The following ATP2C1 variants were observed in gnomAD, a reference collection of about 807,000 sequenced individuals.
The protein encoded by ATP2C1 is ATPase secretory pathway Ca2+ transporting 1, also known as calcium-transporting ATPase type 2C member 1.
In ATP2C1, 31 loss-of-function variants were observed where a neutral mutation model predicts 120.5. The observed-to-expected ratio is 0.26, with a 90% CI of 0.19 to 0.35. The LOEUF (loss-of-function observed/expected upper bound fraction) is 0.35. Ranked by LOEUF, ATP2C1 falls within the 10% of genes least tolerant of loss-of-function variation. ATP2C1 has a pLI of 1.00. For synonymous variants in ATP2C1, 351 were observed against 358.7 expected (o/e 0.98, Z 0.24); for missense variants, 731 against 1,107.5 (o/e 0.66, Z 4.83).
chr3:130,938,947 T>G (rs1307589129), intron 6 of ATP2C1, among the ~76,000 whole-genome samples: 2 of 152,242 alleles, frequency 1.3e-5, no homozygotes, highest in African/African-American at 4.8e-5. Flanking sequence ...TTACACAAGA[T>G]AGTGTTGTTA....
At chr3:130,896,937 A>G (rs1196743114) in intron 2 of ATP2C1, among the ~76,000 whole-genome samples, 1 of 152,212 alleles carries the variant, frequency 6.6e-6, no homozygotes, top group Non-Finnish European at 1.5e-5. Flanking sequence ...TGTGCATATT[A>G]AAGTTTTCTG....
At chr3:130,926,507 G>A (rs549273125) in intron 2 of ATP2C1, among the ~76,000 whole-genome samples, 7 of 152,222 alleles carry the variant, frequency 4.6e-5, no homozygotes, top group Non-Finnish European at 8.8e-5. Context: ...TAACCAGATC[G>A]TTTTAACTGC....
intron 2 of ATP2C1, among the ~76,000 whole-genome samples, chr3:130,915,716 C>T (rs757813441): frequency 5.3e-5 from 8 of 152,202 alleles, no homozygotes; most frequent in Admixed American, 3.9e-4. Context: ...AGGAATGAGG[C>T]CTAAAAGCTT....
chr3:130,965,211 T>G (rs755847595), intron 14 of ATP2C1, among the ~76,000 whole-genome samples, 166 bp downstream of exon 14: 14 of 152,092 alleles, frequency 9.2e-5, no homozygotes, highest in Non-Finnish European at 1.6e-4. Flanking sequence ...TCATTCCACT[T>G]GTACACTTGT....
chr3:130,920,439 C>T (rs936065189), intron 2 of ATP2C1, among the ~76,000 whole-genome samples: 3 of 152,150 alleles, frequency 2.0e-5, no homozygotes, highest in Non-Finnish European at 2.9e-5. Flanking sequence ...TTCCTTTCCT[C>T]ATTGTATATT....
Position 130,993,935 on chromosome 3 carries a change from C to T in ATP2C1, c.1894C>T (p.Leu632=). 6.2e-7 allele frequency: 1 copy of T among 1,614,122 alleles called. No homozygotes were observed. The highest frequency in any genetic ancestry group is 1.1e-5 in the South Asian group (1 of 91,080). The change falls in exon 22 of 28, where the codon CTA becomes TTA. Residue 632 remains leucine (L), a synonymous_variant. Transcript: ENST00000510168. ...PRHKMKIIKS[L]QKNGSVVAMT... ...CCTGTCCTCTGCTCCACTCTAGTCGCTACAGAAGAACGGTTCAGTTGTAGC... is the reference window on the plus strand; with the variant it reads ...CCTGTCCTCTGCTCCACTCTAGTCGTTACAGAAGAACGGTTCAGTTGTAGC...
chr3:130,918,420 T>C (rs1251679877), intron 2 of ATP2C1: 2 of 1,042,242 alleles, frequency 1.9e-6, no homozygotes, highest in Non-Finnish European at 1.5e-6. Context: ...CTCAGCAGCA[T>C]GTACGGAATC....
intron 12 of ATP2C1, among the ~76,000 whole-genome samples, chr3:130,961,141 A>T (rs1438227221): frequency 6.6e-6 from 1 of 151,972 alleles, no homozygotes; most frequent in African/African-American, 2.4e-5. Context: ...ATTTGTGTTT[A>T]AAAACGCCAT....
chr3:130,975,212 C>A, intron 17 of ATP2C1, 120 bp from the exon 18 acceptor site: 1 of 997,046 alleles, frequency 1.0e-6, no homozygotes. Context: ...GCAGTCAAAA[C>A]CTTAGGCTTG....
intron 12 of ATP2C1, among the ~76,000 whole-genome samples, chr3:130,962,292 A>G (rs761090980): frequency 6.6e-6 from 1 of 152,050 alleles, no homozygotes; most frequent in African/African-American, 2.4e-5. Flanking sequence ...GCAGTCATGG[A>G]CCAAAGAAGA....
In ATP2C1 at chr3:130,999,586, C is replaced by T. The variant is rs193111792; in HGVS notation, c.2556C>T (p.Ile852=). 2 of 1,613,428 alleles carry T rather than the reference C, an allele frequency of 1.2e-6. No homozygotes were observed. Among genetic ancestry groups the T allele is most frequent in the Non-Finnish European group, 1.7e-6 (2 of 1,179,544 alleles). The change falls in exon 27 of 28, where the codon ATC becomes ATT. Residue 852 remains isoleucine (I), a synonymous_variant. Coordinates refer to ENST00000510168, the MANE Select transcript of ATP2C1 (RefSeq NM_001378687.1). ...TTTGCTATGCAGTTCTTGGATCCAT[C>T]ATGGGACAATTACTAGTTATTTACT... is the stretch of plus-strand genomic sequence containing the variant. ...RMFCYAVLGS[I]MGQLLVIYFP...
At chr3:130,958,686 T>C (rs2060686974) in intron 11 of ATP2C1, among the ~76,000 whole-genome samples, 1 of 152,136 alleles carries the variant, frequency 6.6e-6, no homozygotes, top group Non-Finnish European at 1.5e-5. Context: ...GCAAGGAGTA[T>C]TGGTTTAATT....
At chr3:130,893,935 C>T (rs2069327971), upstream of ATP2C1, 5 of 985,724 alleles carry the variant, frequency 5.1e-6, no homozygotes, top group Non-Finnish European at 6.0e-6. Flanking sequence ...TCCGCCTTCC[C>T]AGCCCGTGAA....
chr3:130,995,196 T>C (rs2062552620), intron 22 of ATP2C1, among the ~76,000 whole-genome samples: 1 of 152,072 alleles, frequency 6.6e-6, no homozygotes, highest in Admixed American at 6.6e-5. Context: ...GATGGATCAC[T>C]TGAGCCCAGG....
chr3:130,854,847 A>G (rs2067786724), intron 1 of ATP2C1, among the ~76,000 whole-genome samples: 1 of 152,228 alleles, frequency 6.6e-6, no homozygotes, highest in African/African-American at 2.4e-5. Flanking sequence ...CCAAATGTTT[A>G]TACCCAGAGC....
At chr3:130,934,542 G>GTTT in intron 4 of ATP2C1, 80 bp from the exon 5 acceptor site, 6 of 728,832 alleles carry the variant, frequency 8.2e-6, no homozygotes, top group Non-Finnish European at 9.0e-6. Flanking sequence ...TGCTCTTATG[G>GTTT]TTTTTTTTTT....
intron 10 of ATP2C1, chr3:130,955,850 A>T (rs754892158): frequency 7.9e-6 from 3 of 381,132 alleles, no homozygotes; most frequent in Non-Finnish European, 1.5e-5. Context: ...AAAAGGAAGC[A>T]TAGAGAGAAC....
intron 8 of ATP2C1, among the ~76,000 whole-genome samples, chr3:130,950,781 C>G (rs1295565269): frequency 6.6e-6 from 1 of 151,940 alleles, no homozygotes; most frequent in African/African-American, 2.4e-5. Context: ...GACAAGGGCT[C>G]TCTTAAGTGA....
chr3:130,947,428 A>G (rs928820780), intron 8 of ATP2C1, among the ~76,000 whole-genome samples: 4 of 152,120 alleles, frequency 2.6e-5, no homozygotes, highest in African/African-American at 9.7e-5. Context: ...ACCTCTTAGC[A>G]TTCATTCTGT....
Sources: allele counts gnomAD v4.1 joint callset (sites outside exome capture counted in the v4.1 genomes callset), GRCh38; gene constraint gnomAD v4.1.1; transcripts MANE v1.5; gene names NCBI Gene and HGNC (gene_info 2026-07-23, HGNC 2026-07-21).